TUSC3: variants seen among roughly 807,000 people sequenced by gnomAD.
The protein encoded by TUSC3 is tumor suppressor candidate 3.
In TUSC3, 45 loss-of-function variants were observed where a neutral mutation model predicts 44.8. The observed-to-expected ratio is 1.00, with a 90% confidence interval of 0.79 to 1.29. The LOEUF (loss-of-function observed/expected upper bound fraction) is 1.29, where lower values mean the gene tolerates loss of function less well. Among genes scored for constraint, TUSC3 ranks in the 50% most tolerant of loss-of-function variants. The pLI is 0.00. For missense variants in TUSC3, 519 were observed against 437.9 expected, an observed-to-expected ratio of 1.19 and a Z score of -1.65; for synonymous variants, 212 against 152.9, an observed-to-expected ratio of 1.39 and a Z score of -2.85.
intron 3 of TUSC3, among the ~76,000 whole-genome samples, chr8:15,656,311 T>G (rs968223150): frequency 6.6e-6 from 1 of 152,096 alleles, no homozygotes; most frequent in Non-Finnish European, 1.5e-5. Context: ...CAGGACATGA[T>G]TCATCCTGAG....
intron 2 of TUSC3, among the ~76,000 whole-genome samples, chr8:15,641,353 C>A (rs1257833781): frequency 8.4e-5 from 11 of 130,284 alleles, no homozygotes; most frequent in Admixed American, 8.1e-5. Flanking sequence ...GAGAGAGAGA[C>A]TCCGTCTCAA....
chr8:15,699,738 C>G (rs1809317810), intron 6 of TUSC3, among the ~76,000 whole-genome samples: 1 of 152,092 alleles, frequency 6.6e-6, no homozygotes, highest in African/African-American at 2.4e-5. Context: ...GTGCCCTTTA[C>G]AAAGAGTATG....
chr8:15,844,868 T>C, the TUSC3 span, among the ~76,000 whole-genome samples: 3 of 152,268 alleles, frequency 2.0e-5, no homozygotes, highest in East Asian at 5.8e-4. Context: ...TGTGGCAGCA[T>C]GAATATGTGA....
At chr8:15,786,612 G>C in the TUSC3 span, among the ~76,000 whole-genome samples, 1 of 152,134 alleles carries the variant, frequency 6.6e-6, no homozygotes, top group Non-Finnish European at 1.5e-5. Flanking sequence ...CACGCATGCA[G>C]GTAGGCACAC....
At chr8:15,845,925 T>C in the TUSC3 span, among the ~76,000 whole-genome samples, 47,777 of 152,026 alleles carry the variant, frequency 0.31, 8,748 homozygotes, top group East Asian at 0.55. Flanking sequence ...TACAGTTCCA[T>C]ATGGCTGGGG....
intron 1 of TUSC3, among the ~76,000 whole-genome samples, chr8:15,543,489 ACT>A (rs764703024): frequency 2.0e-5 from 3 of 152,012 alleles, no homozygotes; most frequent in Non-Finnish European, 2.9e-5. Context: ...CAAACGACAA[ACT>A]CTCTGCATTT....
chr8:15,844,804 G>A, the TUSC3 span, among the ~76,000 whole-genome samples: 22 of 152,032 alleles, frequency 1.4e-4, no homozygotes, highest in Admixed American at 9.8e-4. Flanking sequence ...TACTGCCTCC[G>A]ATATTTTAAA....
chr8:15,542,468 G>C (rs1364030192), intron 1 of TUSC3, among the ~76,000 whole-genome samples: 1 of 151,984 alleles, frequency 6.6e-6, no homozygotes, highest in Admixed American at 6.6e-5. Flanking sequence ...TGGTTTTTCA[G>C]GTTAGCTTTG....
At chr8:15,434,985 G>T (rs533352403) in intron 1 of TUSC3, among the ~76,000 whole-genome samples, 2 of 148,876 alleles carry the variant, frequency 1.3e-5, no homozygotes, top group South Asian at 2.2e-4. Flanking sequence ...GAATAGTGCC[G>T]CAGTAAACAT....
chr8:15,744,761 G>T (rs1811334032), intron 8 of TUSC3, among the ~76,000 whole-genome samples: 1 of 152,034 alleles, frequency 6.6e-6, no homozygotes, highest in East Asian at 1.9e-4. Context: ...TAAACACCAT[G>T]TCCTTAGGAT....
the TUSC3 span, among the ~76,000 whole-genome samples, chr8:15,784,834 T>C: frequency 2.0e-5 from 3 of 152,074 alleles, no homozygotes; most frequent in African/African-American, 4.8e-5. Flanking sequence ...TGGTTACCTA[T>C]TGCACAGCAA....
intron 6 of TUSC3, among the ~76,000 whole-genome samples, chr8:15,692,159 C>T (rs1042381261): frequency 6.6e-6 from 1 of 152,068 alleles, no homozygotes; most frequent in East Asian, 1.9e-4. Flanking sequence ...ACATTGCATA[C>T]CAGGGATAAA....
chr8:15,510,535 A>C (rs1437635398), intron 2 of TUSC3, among the ~76,000 whole-genome samples: 1 of 152,204 alleles, frequency 6.6e-6, no homozygotes. Flanking sequence ...GAGCTCACCC[A>C]GGAAGAATCA....
chr8:15,837,607 T>G, the TUSC3 span, among the ~76,000 whole-genome samples: 1 of 152,186 alleles, frequency 6.6e-6, no homozygotes, highest in Non-Finnish European at 1.5e-5. Flanking sequence ...CCCCTTCCAT[T>G]TTCTGAGATC....
At chr8:15,613,111 G>A (rs1053114975) in intron 1 of TUSC3, among the ~76,000 whole-genome samples, 14 of 149,446 alleles carry the variant, frequency 9.4e-5, no homozygotes, top group Non-Finnish European at 1.8e-4. Context: ...GTGTTTGTGT[G>A]TGTGTACACA....
intron 1 of TUSC3, among the ~76,000 whole-genome samples, chr8:15,472,464 T>A (rs534456462): frequency 6.6e-6 from 1 of 152,328 alleles, no homozygotes; most frequent in East Asian, 1.9e-4. Context: ...GGTCTGAGTT[T>A]TATCTCTGGC....
At chr8:15,566,172 A>G (rs953506180) in intron 1 of TUSC3, among the ~76,000 whole-genome samples, 3 of 152,082 alleles carry the variant, frequency 2.0e-5, no homozygotes, top group Non-Finnish European at 4.4e-5. Flanking sequence ...CAGTTTCCAT[A>G]TTTACAGCAG....
At chr8:15,686,754 T>C (rs1216493754) in intron 6 of TUSC3, among the ~76,000 whole-genome samples, 2 of 152,068 alleles carry the variant, frequency 1.3e-5, no homozygotes, top group African/African-American at 4.8e-5. Flanking sequence ...ATGTTAACAT[T>C]ATCCTGAAAT....
chr8:15,540,653 A>G (rs1405557702), intron 1 of TUSC3, 85 bp downstream of exon 1: 1 of 1,425,178 alleles, frequency 7.0e-7, no homozygotes, highest in Non-Finnish European at 9.2e-7. Context: ...CCGTGTTGCT[A>G]GGCAGCCTGG....
Sources: allele counts gnomAD v4.1 joint callset (sites outside exome capture counted in the v4.1 genomes callset), GRCh38; gene constraint gnomAD v4.1.1; transcripts MANE v1.5; gene names NCBI Gene and HGNC (gene_info 2026-07-23, HGNC 2026-07-21).